Variants in MYO18A observed in about 807,000 individuals in gnomAD.
The protein encoded by MYO18A is myosin XVIIIA.
MYO18A carries 78 observed loss-of-function variants against 235.8 expected under a neutral mutation model. The observed-to-expected ratio is 0.33, with a 90% CI of 0.28 to 0.40. The LOEUF (loss-of-function observed/expected upper bound fraction) is 0.40, where lower values mean the gene tolerates loss of function less well. Ranked by LOEUF, MYO18A falls within the 10% of genes least tolerant of loss-of-function variation. The probability of loss-of-function intolerance (pLI) is 1.00; values close to 1 mark genes in which losing one functional copy is unlikely to be tolerated. For synonymous variants in MYO18A, 977 were observed against 1,077.8 expected, an observed-to-expected ratio of 0.91 and a Z score of 1.83; for missense variants, 2,215 against 2,699.3, an observed-to-expected ratio of 0.82 and a Z score of 3.98.
rs116516719 is a variant in MYO18A, at chr17:29,102,913, G to C, written c.3507+686C>G. 2.1e-3 allele frequency among the ~76,000 whole-genome samples: 327 copies of C among 152,290 alleles called. 1 individual carries two copies. Among genetic ancestry groups the C allele is most frequent in the African/African-American group, 7.2e-3 (299 of 41,566 alleles). On this transcript the variant is annotated intron_variant, in intron 21 of 41. Transcript: ENST00000527372. ...CAGAACCCTCTCTGGCTCTCCACTG[G>C]CCTCCCTTCCACCCTGGCCCTGGGG...
rs1567645049 is a variant in MYO18A, at chr17:29,166,356, C to A, written c.585G>T (p.Glu195Asp). ...CGACTGGGAACTTTTTAGTCACTAG[C>A]TCAGGGGCTCGGGATCGGTGCCCTG... ...PRPGHRSRAP[E>D]LVTKKFPVDL... is the part of the protein sequence containing the mutation. Residue 195 changes from glutamate (E) to aspartate (D), a missense_variant, in exon 2 of 42, where the codon GAG (glutamate) becomes GAT (aspartate). Coordinates refer to ENST00000527372, the MANE Select transcript of MYO18A (RefSeq NM_078471.4). The A allele has an allele frequency of 6.2e-7, 1 of 1,613,170 alleles. No individual in the cohort carries two copies. The highest frequency in any genetic ancestry group is 1.7e-5 in the Admixed American group (1 of 60,034).
rs1025912471 is a variant in MYO18A, at chr17:29,097,989, G to A, written c.3991-90C>T. 8 of 1,571,084 alleles carry A rather than the reference G, an allele frequency of 5.1e-6. No individual in the cohort carries two copies. In the African/African-American group the frequency reaches 5.4e-5, roughly 11 times the overall value. On this transcript the variant is annotated intron_variant, in intron 25 of 41. Coordinates refer to ENST00000527372, the MANE Select transcript of MYO18A (RefSeq NM_078471.4). Reference sequence around the variant, plus strand: ...AGACCATGATCACATGCTTACCAAGGGCAGACAGGGATGCTGGGCTAGGGG... The same window carrying A: ...AGACCATGATCACATGCTTACCAAGAGCAGACAGGGATGCTGGGCTAGGGG...
At chr17:29,097,738 C>T in intron 26 of MYO18A, 50 bp downstream of exon 26, 1 of 1,515,136 alleles carries the variant, frequency 6.6e-7, no homozygotes. Context: ...GGGTGGGCAT[C>T]AGGGCTCGCA....
At chr17:29,116,509 A>G in intron 10 of MYO18A, 54 bp from the exon 11 acceptor site, 1 of 1,612,670 alleles carries the variant, frequency 6.2e-7, no homozygotes, top group South Asian at 1.1e-5. Flanking sequence ...TGTGTTAGCA[A>G]ACAGTCATCA....
rs536956786 is a variant in MYO18A at position 29,106,585 on chromosome 17, G to C, written c.3441+495C>G. Among the ~76,000 whole-genome samples the C allele has an allele frequency of 6.6e-6, 1 of 152,192 alleles. No homozygotes were observed. Among genetic ancestry groups the C allele is most frequent in the Admixed American group, 6.5e-5 (1 of 15,292 alleles). ...TGGGGCTCAAGGTGATAGCCCAGAC[G>C]GGCAGGGACACCCCTTCCGCAGCCA... On this transcript the variant is annotated intron_variant, in intron 20 of 41. Transcript: ENST00000527372. This position sits in a 1 kb window ranked among gnomAD's most constrained non-coding sequence, Gnocchi z 4.6.
rs764498800 is a variant in MYO18A at position 29,111,625 on chromosome 17, G to C, written c.2741-42C>G. 4.3e-6 allele frequency: 7 copies of C among 1,612,544 alleles called. No individual in the cohort carries two copies. The highest frequency in any genetic ancestry group is 5.9e-6 in the Non-Finnish European group (7 of 1,178,918). On this transcript the variant is annotated intron_variant, in intron 16 of 41. Coordinates refer to ENST00000527372, the MANE Select transcript of MYO18A (RefSeq NM_078471.4). The surrounding 1 kb of genome is among the most constrained non-coding windows in gnomAD (Gnocchi z 5.1). ...CAAGATTTAGGTCGTCAGGGTACAG[G>C]CACAAAGTGACCCCCGCCCCCTCCC...
At chr17:29,123,242 G>A (rs2067242829) in intron 2 of MYO18A, among the ~76,000 whole-genome samples, 1 of 152,170 alleles carries the variant, frequency 6.6e-6, no homozygotes, top group South Asian at 2.1e-4. Context: ...AGGGCCCATC[G>A]GGCTCCTCTT....
chr17:29,169,030 T>C (rs11654782), intron 1 of MYO18A, among the ~76,000 whole-genome samples: 68,059 of 151,684 alleles, frequency 0.45, 16,257 homozygotes, highest in African/African-American at 0.62. Flanking sequence ...ACTGGCCAGG[T>C]GTGATGGCAC....
chr17:29,165,615 T>C (rs6505112), intron 2 of MYO18A: 116,577 of 290,480 alleles, frequency 0.4, 24,448 homozygotes, highest in East Asian at 0.57. Flanking sequence ...AGAATTCTAC[T>C]GCAGTGAACC....
chr17:29,167,438 A>G (rs2068307261), intron 1 of MYO18A, among the ~76,000 whole-genome samples: 1 of 152,186 alleles, frequency 6.6e-6, no homozygotes, highest in South Asian at 2.1e-4. Flanking sequence ...CAGGCCAGGC[A>G]GGGTGGCTCA....
In MYO18A at chr17:29,082,431, C is replaced by G; in HGVS notation, c.5905G>C (p.Asp1969His). 1 of 1,613,138 alleles carries G rather than the reference C, an allele frequency of 6.2e-7. No homozygotes were observed. The highest frequency in any genetic ancestry group is 1.1e-5 in the South Asian group (1 of 90,994). ...TCCAGCTCCGAGTCCACATCAGAGT[C>G]TCCCTCACTGTAGGGATGAGGAGCA... ...YQKRKNKLEG[D>H]SDVDSELEDR... Residue 1969 changes from aspartate to histidine, a missense_variant, in exon 41 of 42, where the codon GAC (aspartate) becomes CAC (histidine). Physicochemically the swap from Asp to His is moderately conservative, Grantham distance 81. Coordinates refer to ENST00000527372, the MANE Select transcript of MYO18A (RefSeq NM_078471.4).
chr17:29,171,905 GAAA>G (rs71762070), intron 1 of MYO18A, among the ~76,000 whole-genome samples: 3 of 103,300 alleles, frequency 2.9e-5, no homozygotes, highest in Non-Finnish European at 4.2e-5. Flanking sequence ...AAGAAAGAAA[GAAA>G]AAAAAAAAAA....
rs759439210 is a variant in MYO18A at position 29,092,371 on chromosome 17, A to G, written c.5159T>C (p.Ile1720Thr). ...EVEIEDLHLQIDDIAKAKTAL... is the reference protein window; with the variant it reads ...EVEIEDLHLQTDDIAKAKTAL... ...TGTCTTGGCTTTGGCGATGTCATCA[A>G]TCTGCAGGTGCAGGTCTTCGATCTC... The change falls in exon 34 of 42, where the codon ATT becomes ACT. Residue 1720 changes from isoleucine to threonine, a missense_variant. Coordinates refer to ENST00000527372, the MANE Select transcript of MYO18A (RefSeq NM_078471.4). The G allele has an allele frequency of 1.8e-5, 29 of 1,611,716 alleles. No individual in the cohort carries two copies. Among genetic ancestry groups the G allele is most frequent in the South Asian group, 7.7e-5 (7 of 91,048 alleles).
chr17:29,162,331 T>A (rs1282523929), intron 2 of MYO18A, among the ~76,000 whole-genome samples: 3 of 152,230 alleles, frequency 2.0e-5, no homozygotes, highest in African/African-American at 7.2e-5. Flanking sequence ...GGGGCCTCCA[T>A]GACCTGGCTC....
At chr17:29,131,317 A>C (rs1598355171) in intron 2 of MYO18A, 2 of 843,232 alleles carry the variant, frequency 2.4e-6, no homozygotes, top group African/African-American at 3.8e-5. Context: ...ACACACATGC[A>C]CGCATGCACA....
intron 2 of MYO18A, among the ~76,000 whole-genome samples, chr17:29,156,406 CT>C (rs2068067173): frequency 6.6e-6 from 1 of 152,228 alleles, no homozygotes; most frequent in African/African-American, 2.4e-5. Flanking sequence ...CCTTCCCAGG[CT>C]CCTGCTCCTG....
At position 29,117,891 on chromosome 17, in the gene MYO18A, C is replaced by T; in HGVS notation, c.2038+154G>A. The T allele has an allele frequency of 1.1e-6, 1 of 923,912 alleles. No individual in the cohort carries two copies. Among genetic ancestry groups the T allele is most frequent in the Non-Finnish European group, 1.6e-6 (1 of 628,030 alleles). 57.2% of individuals were successfully genotyped at this position (923,912 alleles called of 1,614,324 possible). On this transcript the variant is annotated intron_variant, in intron 10 of 41. Transcript: ENST00000527372. The surrounding 1 kb of genome is among the most constrained non-coding windows in gnomAD (Gnocchi z 4.6). ...CCAAAGATGCTTCCCGGGCCTTCTG[C>T]TCTGAAGTGGGGGGCTGAGAAGAGG...
At chr17:29,136,250 A>AAAATAT (rs1483354837) in intron 2 of MYO18A, among the ~76,000 whole-genome samples, 14 of 82,468 alleles carry the variant, frequency 1.7e-4, no homozygotes, top group South Asian at 3.8e-4. Context: ...AAAAAAAAAA[A>AAAATAT]ATATATATAT....
rs780795341 is a variant in MYO18A at position 29,095,006 on chromosome 17, T to A, written c.4439A>T (p.Gln1480Leu). 4 of 1,580,294 alleles carry A rather than the reference T, an allele frequency of 2.5e-6. No individual in the cohort carries two copies. The highest frequency in any genetic ancestry group is 2.6e-6 in the Non-Finnish European group (3 of 1,161,962). ...CTTCTCCCGCTGCAGCTTCTCCCGC[T>A]GCAGCTTCTCCCGCTGGGCCTCCTC... ...AHEEAQREKL[Q>L]REKLQREKDM... Residue 1480 changes from glutamine (Q) to leucine (L), a missense_variant, in exon 29 of 42, where the codon CAG (glutamine) becomes CTG (leucine). Physicochemically the swap from Gln to Leu is moderately radical, Grantham distance 113 (BLOSUM62 -2). Coordinates refer to ENST00000527372, the MANE Select transcript of MYO18A (RefSeq NM_078471.4).
Sources: gnomAD v4.1 joint callset for allele counts (sites outside exome capture counted in the v4.1 genomes callset) on GRCh38, gnomAD v4.1.1 for gene constraint, Gnocchi (gnomAD v3.1) non-coding constraint, MANE v1.5 for transcripts, NCBI Gene and HGNC (gene_info 2026-07-23, HGNC 2026-07-21) for gene names.